The following ZNF578 variants were observed in gnomAD, a reference collection of about 807,000 sequenced individuals.
ZNF578 encodes the protein zinc finger protein 578, also known as Putative chemokine-related protein B42.
In ZNF578, 8 loss-of-function variants were observed where a neutral mutation model predicts 8.3. The observed-to-expected ratio is 0.96, with a 90% CI of 0.56 to 1.74. ZNF578 has a LOEUF of 1.74. ZNF578 is among the 40% of genes most tolerant of loss of function. The pLI is 0.00. For missense variants in ZNF578, 726 were observed against 707.5 expected (o/e 1.03, Z -0.30); for synonymous variants, 206 against 232.2 (o/e 0.89, Z 1.03).
chr19:52,499,602 A>G (rs1489630132), intron 3 of ZNF578, among the ~76,000 whole-genome samples: 1 of 152,010 alleles, frequency 6.6e-6, no homozygotes, highest in Non-Finnish European at 1.5e-5. Context: ...AATACATTAC[A>G]TTATTTGTAA....
Position 52,501,805 on chromosome 19 carries a change from CTT to C in ZNF578, c.-19-21_-19-20del. The C allele has an allele frequency of 6.2e-7, 1 of 1,608,928 alleles. No homozygotes were observed. Among genetic ancestry groups the C allele is most frequent in the Middle Eastern group, 1.7e-4 (1 of 6,010 alleles). On this transcript the variant is annotated intron_variant, in intron 3 of 5. Transcript: ENST00000421239. Reference sequence around the variant, plus strand: ...GAGTGAGTCATATCTAACCTGAAGTCTTATTTTTCTTCCACATACAGGATTGA... The same window carrying C: ...GAGTGAGTCATATCTAACCTGAAGTCATTTTTCTTCCACATACAGGATTGA...
intron 2 of ZNF578, among the ~76,000 whole-genome samples, chr19:52,468,912 C>A (rs1490426424): frequency 6.6e-6 from 1 of 152,110 alleles, no homozygotes; most frequent in African/African-American, 2.4e-5. Context: ...TGGGATATCT[C>A]GAGCCTTTGG....
chr19:52,457,946 A>T (rs1182535621), intron 2 of ZNF578: 1 of 153,854 alleles, frequency 6.5e-6, no homozygotes, highest in East Asian at 1.9e-4. Context: ...ATTTGTGAAG[A>T]GGCTCCATTG....
At chr19:52,497,762 T>C (rs1870897) in intron 3 of ZNF578, among the ~76,000 whole-genome samples, 1 of 152,190 alleles carries the variant, frequency 6.6e-6, no homozygotes, top group Non-Finnish European at 1.5e-5. Flanking sequence ...TTTTTCTTTA[T>C]CCTAACATGA....
intron 2 of ZNF578, among the ~76,000 whole-genome samples, chr19:52,472,606 T>G (rs191899045): frequency 1.3e-5 from 2 of 152,308 alleles, no homozygotes. Context: ...ATTACTCTTT[T>G]CCATAAAAAT....
chr19:52,482,565 G>A (rs982311592), intron 2 of ZNF578, among the ~76,000 whole-genome samples: 2 of 151,530 alleles, frequency 1.3e-5, no homozygotes, highest in African/African-American at 4.8e-5. Flanking sequence ...TTGAACCTGG[G>A]AGGCACAGGT....
intron 3 of ZNF578, among the ~76,000 whole-genome samples, chr19:52,493,677 T>C (rs374022627): frequency 4.6e-5 from 7 of 151,662 alleles, no homozygotes; most frequent in Middle Eastern, 3.4e-3. Context: ...GATCGAAAGA[T>C]TGGGGGGAAG....
Position 52,458,919 on chromosome 19 carries a change from AGGTTCTTACAT to A in ZNF578, c.-122+1962_-122+1972del, listed in dbSNP as rs1407467080. ...TAAAATTACAGATGTTTGTCATAAGAGGTTCTTACATATTTGGAAAACCCCTCCATTTTGTT... is the reference window on the plus strand; with the variant it reads ...TAAAATTACAGATGTTTGTCATAAGAATTTGGAAAACCCCTCCATTTTGTT... On this transcript the variant is annotated intron_variant, in intron 2 of 5. Transcript: ENST00000421239. 9.8e-5 allele frequency: 15 copies of A among 152,290 alleles called. No homozygotes were observed. In the East Asian group the frequency reaches 2.1e-3, roughly 22 times the overall value. The allele number at this position is 152,290 out of a possible 1,614,324, so 9.4% of individuals were successfully genotyped here. A position where few individuals can be genotyped will look rare whatever the true frequency, so the allele number is the denominator to read the frequency against.
intron 5 of ZNF578, among the ~76,000 whole-genome samples, chr19:52,507,320 G>A (rs444461): frequency 0.019 from 2,910 of 152,220 alleles, 100 homozygotes; most frequent in African/African-American, 0.067. Flanking sequence ...CCTGGGAGGT[G>A]GATGGTGCAG....
At position 52,511,199 on chromosome 19, in the gene ZNF578, A is replaced by G; in HGVS notation, c.818A>G (p.Tyr273Cys). 3.1e-6 allele frequency: 5 copies of G among 1,614,248 alleles called. No homozygotes were observed. The highest frequency in any genetic ancestry group is 4.2e-6 in the Non-Finnish European group (5 of 1,180,042). ...ICGKVFNEKRYLARHRRCHTS... is the reference protein window; with the variant it reads ...ICGKVFNEKRCLARHRRCHTS... The stretch of plus-strand genomic sequence containing the variant: ...GGCAAAGTCTTTAATGAGAAGCGAT[A>G]CCTTGCACGCCATCGTAGATGTCAC... The change falls in exon 6 of 6, where the codon TAC becomes TGC. Residue 273 changes from tyrosine to cysteine, a missense_variant. By Grantham distance (194) the Tyr-to-Cys change is radical. Coordinates refer to ENST00000421239, the MANE Select transcript of ZNF578 (RefSeq NM_001099694.2).
intron 5 of ZNF578, among the ~76,000 whole-genome samples, chr19:52,508,839 C>G (rs975619974): frequency 6.8e-6 from 1 of 147,608 alleles, no homozygotes; most frequent in East Asian, 2.0e-4. Flanking sequence ...TTAGCCAGTA[C>G]GAACATAACT....
At chr19:52,485,089 T>C (rs935849700) in intron 2 of ZNF578, among the ~76,000 whole-genome samples, 9 of 151,876 alleles carry the variant, frequency 5.9e-5, no homozygotes, top group African/African-American at 2.2e-4. Context: ...TCCTAAGCAG[T>C]TCCTAGCTTG....
In ZNF578 at chr19:52,470,902, C is replaced by G. The variant is rs2059289753; in HGVS notation, c.-122+13944C>G. 2.6e-5 allele frequency among the ~76,000 whole-genome samples: 4 copies of G among 152,130 alleles called. No homozygotes were observed. The South Asian group carries it at 8.3e-4, about 32-fold the overall frequency. On this transcript the variant is annotated intron_variant, in intron 2 of 5. Transcript: ENST00000421239. ...GTAATCCCCAGTGCTGAAAGTGGGG[C>G]CTGGTGGGAGGTGATTTGATCATGG...
At chr19:52,501,624 G>T (rs892313874) in intron 3 of ZNF578, among the ~76,000 whole-genome samples, 1 of 152,116 alleles carries the variant, frequency 6.6e-6, no homozygotes, top group Non-Finnish European at 1.5e-5. Context: ...GCTCCAGGAG[G>T]GGGGCGAGAT....
At chr19:52,466,551 AAAATGTTGATGAACT>A (rs1282494557) in intron 2 of ZNF578, among the ~76,000 whole-genome samples, 2 of 152,204 alleles carry the variant, frequency 1.3e-5, no homozygotes, top group Non-Finnish European at 2.9e-5. Flanking sequence ...TTAAAATAGA[AAAATGTTGATGAACT>A]AAATGTTGAT....
At chr19:52,486,569 G>A (rs527458257) in intron 2 of ZNF578, among the ~76,000 whole-genome samples, 10 of 152,280 alleles carry the variant, frequency 6.6e-5, no homozygotes, top group African/African-American at 1.9e-4. Context: ...GAGTGGCAGC[G>A]AAGAGGGAGG....
At chr19:52,466,174 T>A (rs2059274547) in intron 2 of ZNF578, among the ~76,000 whole-genome samples, 1 of 152,236 alleles carries the variant, frequency 6.6e-6, no homozygotes, top group African/African-American at 2.4e-5. Flanking sequence ...TCTATAGCAG[T>A]GGCGGTTTAG....
At chr19:52,471,920 A>C (rs2059292989) in intron 2 of ZNF578, among the ~76,000 whole-genome samples, 1 of 125,760 alleles carries the variant, frequency 8.0e-6, no homozygotes, top group Non-Finnish European at 1.7e-5. Context: ...TATGAAGATT[A>C]GTATTTTCAG....
chr19:52,474,264 G>T, intron 2 of ZNF578: 1 of 296,402 alleles, frequency 3.4e-6, no homozygotes, highest in Middle Eastern at 5.5e-4. Flanking sequence ...TGAATTCTTC[G>T]ATGTCATACA....
Sources: gnomAD v4.1 joint callset for allele counts (sites outside exome capture counted in the v4.1 genomes callset) on GRCh38, gnomAD v4.1.1 for gene constraint, MANE v1.5 for transcripts, NCBI Gene and HGNC (gene_info 2026-07-23, HGNC 2026-07-21) for gene names.